ST7: variants seen among roughly 807,000 people sequenced by gnomAD.
The protein encoded by ST7 is suppression of tumorigenicity 7, also known as suppressor of tumorigenicity 7 protein.
A neutral mutation model predicts 78.7 loss-of-function variants in ST7; 28 were observed. The observed-to-expected ratio is 0.36, with a 90% CI of 0.26 to 0.49. The LOEUF (loss-of-function observed/expected upper bound fraction) is 0.49. Among genes scored for constraint, ST7 ranks in the 20% least tolerant of loss-of-function variants. The pLI is 0.99. For synonymous variants in ST7, 247 were observed against 249.6 expected (o/e 0.99, Z 0.10); for missense variants, 418 against 696.0 (o/e 0.60, Z 4.49).
At chr7:117,030,333 G>A (rs1043998424) in intron 1 of ST7, among the ~76,000 whole-genome samples, 1 of 152,134 alleles carries the variant, frequency 6.6e-6, no homozygotes, top group African/African-American at 2.4e-5. Context: ...AAAAGTGGTG[G>A]TATTAGTAAA....
chr7:117,136,657 A>G, intron 8 of ST7: 1 of 236,774 alleles, frequency 4.2e-6, no homozygotes, highest in South Asian at 9.6e-5. Context: ...AAATAGGACA[A>G]TTAAGAATAT....
chr7:117,012,526 A>T, intron 1 of ST7, among the ~76,000 whole-genome samples: 1 of 152,200 alleles, frequency 6.6e-6, no homozygotes, highest in East Asian at 1.9e-4. Context: ...TGGTACACAC[A>T]AAGTGCTATT....
At chr7:117,025,111 TA>T (rs201804121) in intron 1 of ST7, among the ~76,000 whole-genome samples, 10 of 151,538 alleles carry the variant, frequency 6.6e-5, no homozygotes, top group East Asian at 3.9e-4. Context: ...ATCTCTTTGA[TA>T]AAAAAAAAGT....
At position 116,953,679 on chromosome 7, in the gene ST7, A is replaced by G; in HGVS notation, c.139A>G (p.Asn47Asp). The change falls in exon 1 of 16, where the codon AAC (asparagine) becomes GAC (aspartate). Residue 47 changes from asparagine (N) to aspartate (D), a missense_variant. This residue lies in a region of ST7 where 71 missense variants were observed against 61.5 expected (regional missense o/e 1.16). Transcript: ENST00000323984. ...ILRVPLKINDNLSTVSMFLNT... is the reference protein window; with the variant it reads ...ILRVPLKINDDLSTVSMFLNT... ...GCGGGTGCCTTTGAAAATCAACGAC[A>G]ACTTGAGCACAGGTAAGGCCTGGGA... The G allele has an allele frequency of 3.4e-6, 5 of 1,492,304 alleles. No individual in the cohort carries two copies. The highest frequency in any genetic ancestry group is 4.5e-6 in the Non-Finnish European group (5 of 1,106,952). 92.4% of individuals were successfully genotyped at this position (1,492,304 alleles called of 1,614,324 possible).
chr7:117,054,550 G>A (rs1017398395), intron 1 of ST7, among the ~76,000 whole-genome samples: 1 of 152,202 alleles, frequency 6.6e-6, no homozygotes, highest in Non-Finnish European at 1.5e-5. Flanking sequence ...CATGAACACA[G>A]AATATAAGTG....
intron 1 of ST7, among the ~76,000 whole-genome samples, chr7:116,991,324 T>A (rs915508950): frequency 1.3e-5 from 2 of 152,132 alleles, no homozygotes; most frequent in East Asian, 3.9e-4. Context: ...TCTGTTTTCA[T>A]GCTACTGATA....
chr7:117,172,951 TG>T (rs1178287898), intron 10 of ST7, among the ~76,000 whole-genome samples: 2 of 152,200 alleles, frequency 1.3e-5, no homozygotes, highest in African/African-American at 4.8e-5. Context: ...AATAAAGAAA[TG>T]GAACTCTCCA....
At chr7:117,018,934 A>G (rs1196492033) in intron 1 of ST7, among the ~76,000 whole-genome samples, 1 of 152,258 alleles carries the variant, frequency 6.6e-6, no homozygotes, top group Non-Finnish European at 1.5e-5. Context: ...CCCTGAATAA[A>G]CTGTGGTACA....
rs547775534 is a variant in ST7, at chr7:117,177,854, C to T, written c.1078+6878C>T. Reference sequence around the variant, plus strand: ...CAGTAACAAAAATTTAAGGAGAATCCTGTATGTCTATTGTTTTCTTTACAT... The same window carrying T: ...CAGTAACAAAAATTTAAGGAGAATCTTGTATGTCTATTGTTTTCTTTACAT... On this transcript the variant is annotated intron_variant, in intron 10 of 15. Transcript: ENST00000323984. Among the ~76,000 whole-genome samples, 177 of 152,284 alleles carry T rather than the reference C, an allele frequency of 1.2e-3. 1 individual carries two copies. Among genetic ancestry groups the T allele is most frequent in the African/African-American group, 4.1e-3 (171 of 41,554 alleles).
chr7:117,159,173 A>G (rs968763144), intron 9 of ST7, among the ~76,000 whole-genome samples: 12 of 152,238 alleles, frequency 7.9e-5, no homozygotes, highest in Non-Finnish European at 1.6e-4. Flanking sequence ...TACAGACCGT[A>G]GTTCTAAATT....
At chr7:117,165,981 T>C (rs1454738510) in intron 9 of ST7, among the ~76,000 whole-genome samples, 1 of 152,178 alleles carries the variant, frequency 6.6e-6, no homozygotes, top group Non-Finnish European at 1.5e-5. Flanking sequence ...TTTGCCATGC[T>C]AAGCATTTTA....
intron 2 of ST7, among the ~76,000 whole-genome samples, chr7:117,108,377 C>T (rs891246327): frequency 3.3e-5 from 5 of 152,138 alleles, no homozygotes; most frequent in African/African-American, 1.2e-4. Flanking sequence ...TTTTGCTGTG[C>T]TTTGTCCAAG....
At chr7:117,061,401 C>T (rs1258632042) in intron 1 of ST7, among the ~76,000 whole-genome samples, 1 of 152,168 alleles carries the variant, frequency 6.6e-6, no homozygotes, top group Non-Finnish European at 1.5e-5. Flanking sequence ...ATTTGAACCT[C>T]ACTTTCTACA....
At chr7:116,975,256 T>G (rs547943793) in intron 1 of ST7, among the ~76,000 whole-genome samples, 2 of 152,136 alleles carry the variant, frequency 1.3e-5, no homozygotes, top group South Asian at 4.1e-4. Flanking sequence ...TTATTCACTA[T>G]CACAACAGCA....
intron 1 of ST7, among the ~76,000 whole-genome samples, chr7:117,005,423 T>C (rs1426211212): frequency 2.6e-5 from 4 of 152,228 alleles, no homozygotes; most frequent in Admixed American, 1.3e-4. Context: ...TCTCCTGTGA[T>C]GGTAAGCCAC....
intron 2 of ST7, among the ~76,000 whole-genome samples, chr7:117,107,108 T>A (rs922815765): frequency 2.0e-5 from 3 of 152,148 alleles, no homozygotes; most frequent in Admixed American, 6.5e-5. Flanking sequence ...GGTGTGTGTG[T>A]ATGTGTATAT....
chr7:117,224,889 C>A (rs2116212404), intron 15 of ST7, among the ~76,000 whole-genome samples: 1 of 152,268 alleles, frequency 6.6e-6, no homozygotes, highest in East Asian at 1.9e-4. Flanking sequence ...CAGGTGGAAG[C>A]TTTTCAGGAA....
At chr7:117,087,799 C>T (rs772849935) in intron 1 of ST7, among the ~76,000 whole-genome samples, 14 of 152,174 alleles carry the variant, frequency 9.2e-5, no homozygotes, top group Non-Finnish European at 1.3e-4. Flanking sequence ...GGGAAAGCCA[C>T]ATCCTGTTGA....
At chr7:116,981,144 TG>T (rs1793941308) in intron 1 of ST7, among the ~76,000 whole-genome samples, 1 of 152,144 alleles carries the variant, frequency 6.6e-6, no homozygotes, top group Non-Finnish European at 1.5e-5. Flanking sequence ...AATCTTGCTC[TG>T]TCACCCAGGC....
Sources: allele counts gnomAD v4.1 joint callset (sites outside exome capture counted in the v4.1 genomes callset), GRCh38; gene constraint gnomAD v4.1.1; regional missense constraint gnomAD v4.1.1; transcripts MANE v1.5; gene names NCBI Gene and HGNC (gene_info 2026-07-23, HGNC 2026-07-21).